APMAP: variants seen among roughly 807,000 people sequenced by gnomAD.
The protein encoded by APMAP is adipocyte plasma membrane-associated protein.
APMAP carries 33 observed loss-of-function variants against 43.6 expected under a neutral mutation model. The ratio of observed to expected loss-of-function variants is 0.76; its 90% CI spans 0.57 to 1.01. The LOEUF is 1.01. Among genes scored for constraint, APMAP ranks in the 50% least tolerant of loss-of-function variants. The pLI, the probability that APMAP is intolerant of heterozygous loss-of-function variation, is 0.00. For synonymous variants in APMAP, 224 were observed against 216.7 expected (o/e 1.03, Z -0.30); for missense variants, 498 against 540.7 (o/e 0.92, Z 0.78).
At chr20:24,992,423 C>G (rs549169032) in intron 1 of APMAP, among the ~76,000 whole-genome samples, 171 bp downstream of exon 1, 5 of 152,316 alleles carry the variant, frequency 3.3e-5, no homozygotes, top group African/African-American at 1.2e-4. Context: ...CTTGTCGGAG[C>G]CTGCTTCCTC....
At chr20:24,968,369 G>C (rs1318738532) in intron 8 of APMAP, among the ~76,000 whole-genome samples, 1 of 152,216 alleles carries the variant, frequency 6.6e-6, no homozygotes, top group African/African-American at 2.4e-5. Flanking sequence ...AGAGAAGAGT[G>C]CCTGGCAGTG....
chr20:24,963,486 G>GC lies in APMAP; in HGVS notation c.*326dup. The stretch of plus-strand genomic sequence containing the variant: ...GTGCCTTACTGCTCCACCCACCTGA[G>GC]CCCTGTTCCAAGTGCAAGGAGCTTC... On this transcript the variant is annotated 3_prime_UTR_variant, in exon 9 of 9. Coordinates refer to ENST00000217456, the MANE Select transcript of APMAP (RefSeq NM_020531.3). 1 of 339,872 alleles carries GC rather than the reference G, an allele frequency of 2.9e-6. No individual in the cohort carries two copies. The allele number at this position is 339,872 out of a possible 1,614,324, so 21.1% of individuals were successfully genotyped here. A position where few individuals can be genotyped will look rare whatever the true frequency, so the allele number is the denominator to read the frequency against.
chr20:24,983,866 T>C (rs769218380), intron 2 of APMAP, 37 bp downstream of exon 2: 2 of 1,427,542 alleles, frequency 1.4e-6, no homozygotes, highest in East Asian at 4.7e-5. Context: ...TTACATTTTG[T>C]CAAGCAACCC....
rs1357023395 is a variant in APMAP, at chr20:24,978,778, GCTATGGA to G, written c.310_316del (p.Ser104HisfsTer6). On this transcript the variant is annotated frameshift_variant, in exon 3 of 9. Transcript: ENST00000217456. LOFTEE classifies it high-confidence loss of function. ...AAGCTTAGACTTACCCCCAATATGT[GCTATGGA>G]CTCCGGTCCAACAAGTTGATTTTCA... 6.3e-7 allele frequency: 1 copy of G among 1,599,556 alleles called. No homozygotes were observed. The highest frequency in any genetic ancestry group is 1.7e-5 in the Admixed American group (1 of 58,488).
rs777009862 is a variant in APMAP at position 24,983,973 on chromosome 20, C to A, written c.142G>T (p.Val48Phe). Residue 48 changes from valine to phenylalanine, a missense_variant, in exon 2 of 9, where the codon GTT (valine) becomes TTT (phenylalanine). Val to Phe is a conservative substitution (Grantham distance 50). Coordinates refer to ENST00000217456, the MANE Select transcript of APMAP (RefSeq NM_020531.3). Reference protein sequence around the residue: ...VFRVTFLMLAVSLTVPLLGAM... With the variant: ...VFRVTFLMLAFSLTVPLLGAM... ...CCAAGCAGGGGAACGGTGAGAGAAA[C>A]AGCCAGCATCAAGAAGGTCACTCGG... The A allele has an allele frequency of 1.2e-5, 19 of 1,613,806 alleles. No homozygotes were observed. The highest frequency in any genetic ancestry group is 1.6e-5 in the Non-Finnish European group (19 of 1,179,918).
chr20:24,982,283 GC>G (rs2088111635), intron 2 of APMAP, among the ~76,000 whole-genome samples: 1 of 102,792 alleles, frequency 9.7e-6, no homozygotes, highest in African/African-American at 4.3e-5. Context: ...TGGTTCCACT[GC>G]CATTCCGAAA....
chr20:24,973,335 C>T (rs2088021434), intron 4 of APMAP, among the ~76,000 whole-genome samples: 1 of 152,204 alleles, frequency 6.6e-6, no homozygotes. Context: ...ACCTATTAGC[C>T]TCTGAAGTAC....
intron 5 of APMAP, 100 bp from the exon 6 acceptor site, chr20:24,970,471 A>C: frequency 8.9e-5 from 91 of 1,025,920 alleles, no homozygotes; most frequent in East Asian, 7.7e-5. Context: ...GAAAAACTGA[A>C]ACTTCTCCAT....
chr20:24,970,405 G>C (rs1265915430), intron 5 of APMAP, 34 bp from the exon 6 acceptor site: 1 of 1,561,862 alleles, frequency 6.4e-7, no homozygotes, highest in African/African-American at 1.4e-5. Context: ...AGATTGACTT[G>C]AACTAGGAAC....
chr20:24,985,986 C>G (rs1262491035), intron 1 of APMAP, among the ~76,000 whole-genome samples: 1 of 152,124 alleles, frequency 6.6e-6, no homozygotes, highest in Non-Finnish European at 1.5e-5. Flanking sequence ...TGAATCGCGT[C>G]CTGCAGTTAT....
intron 8 of APMAP, among the ~76,000 whole-genome samples, chr20:24,967,282 G>A (rs992579532): frequency 3.3e-5 from 5 of 152,176 alleles, no homozygotes; most frequent in African/African-American, 4.8e-5. Flanking sequence ...GTGACAGGGC[G>A]AGGCTCCGTC....
chr20:24,965,952 C>T (rs1332658197), intron 8 of APMAP, among the ~76,000 whole-genome samples: 10 of 152,128 alleles, frequency 6.6e-5, no homozygotes, highest in Admixed American at 3.9e-4. Context: ...CAGGCATAAG[C>T]GTGAGTGGTG....
intron 1 of APMAP, among the ~76,000 whole-genome samples, chr20:24,985,963 T>TTC (rs1468573465): frequency 1.3e-5 from 2 of 152,142 alleles, no homozygotes; most frequent in African/African-American, 4.8e-5. Flanking sequence ...AACACAGTGG[T>TTC]AGAAAGCTTG....
chr20:24,967,865 C>T (rs1193732840), intron 8 of APMAP, among the ~76,000 whole-genome samples: 1 of 152,176 alleles, frequency 6.6e-6, no homozygotes, highest in Non-Finnish European at 1.5e-5. Context: ...AAGAGAAGGA[C>T]AGATTTCTCA....
chr20:24,971,081 A>G (rs1464949065), intron 5 of APMAP, among the ~76,000 whole-genome samples: 1 of 152,244 alleles, frequency 6.6e-6, no homozygotes, highest in Non-Finnish European at 1.5e-5. Flanking sequence ...AGGAGAAAAC[A>G]GAAAGGAAGA....
chr20:24,972,097 G>A (rs911049552), intron 4 of APMAP, among the ~76,000 whole-genome samples: 7 of 146,824 alleles, frequency 4.8e-5, no homozygotes, highest in African/African-American at 5.1e-5. Flanking sequence ...CACTGCAGGT[G>A]GTTATTGCAG....
chr20:24,967,739 C>A (rs2087958390), intron 8 of APMAP, among the ~76,000 whole-genome samples: 1 of 152,236 alleles, frequency 6.6e-6, no homozygotes, highest in Non-Finnish European at 1.5e-5. Flanking sequence ...AGTCCCCGGC[C>A]CAGGATCCCA....
chr20:24,980,125 G>A (rs1427383489), intron 2 of APMAP, among the ~76,000 whole-genome samples: 2 of 152,150 alleles, frequency 1.3e-5, no homozygotes, highest in African/African-American at 4.8e-5. Context: ...ATTTCTTTCT[G>A]TGTTTTTCTC....
chr20:24,965,579 C>T lies in APMAP; in HGVS notation c.1042-1557G>A, dbSNP rs1242049177. Among the ~76,000 whole-genome samples, 3 of 152,294 alleles carry T rather than the reference C, an allele frequency of 2.0e-5. No individual in the cohort carries two copies. In the East Asian group the frequency reaches 5.8e-4, roughly 29 times the overall value. On this transcript the variant is annotated intron_variant, in intron 8 of 8. Coordinates refer to ENST00000217456, the MANE Select transcript of APMAP (RefSeq NM_020531.3). ...GGGCCCACACGGGGTGAGGAGGTGT[C>T]CCCACAGTGAGGCCCAGATCAGGCT...
Sources: gnomAD v4.1 joint callset for allele counts (sites outside exome capture counted in the v4.1 genomes callset) on GRCh38, gnomAD v4.1.1 for gene constraint, MANE v1.5 for transcripts, NCBI Gene and HGNC (gene_info 2026-07-23, HGNC 2026-07-21) for gene names.